The following TRPM3 variants were observed in gnomAD, a reference collection of about 807,000 sequenced individuals.
The protein encoded by TRPM3 is transient receptor potential cation channel subfamily M member 3.
A neutral mutation model predicts 181.2 loss-of-function variants in TRPM3; 77 were observed. The ratio of observed to expected loss-of-function variants is 0.42; its 90% CI spans 0.35 to 0.51. The LOEUF (loss-of-function observed/expected upper bound fraction) is 0.51. Ranked by LOEUF, TRPM3 falls within the 20% of genes least tolerant of loss-of-function variation. The probability of loss-of-function intolerance (pLI) is 0.01; values close to 1 mark genes in which losing one functional copy is unlikely to be tolerated. For missense variants in TRPM3, 1,759 were observed against 2,196.7 expected, an observed-to-expected ratio of 0.80 and a Z score of 3.98; for synonymous variants, 745 against 796.4, an observed-to-expected ratio of 0.94 and a Z score of 1.09.
intron 1 of TRPM3, among the ~76,000 whole-genome samples, chr9:71,059,192 T>C (rs1030209022): frequency 3.3e-5 from 5 of 151,700 alleles, no homozygotes; most frequent in African/African-American, 1.2e-4. Context: ...CCAGGCTTCT[T>C]GAAAGCATCT....
At chr9:70,831,366 T>C (rs1324454886) in intron 5 of TRPM3, among the ~76,000 whole-genome samples, 1 of 151,240 alleles carries the variant, frequency 6.6e-6, no homozygotes, top group African/African-American at 2.4e-5. Flanking sequence ...CCATTTTCAT[T>C]GTTAAGAGAT....
At chr9:71,011,939 C>A (rs903404794) in intron 1 of TRPM3, among the ~76,000 whole-genome samples, 3 of 151,728 alleles carry the variant, frequency 2.0e-5, no homozygotes, top group African/African-American at 7.3e-5. Flanking sequence ...CACCACCATG[C>A]CTGGCTAATT....
intron 6 of TRPM3, among the ~76,000 whole-genome samples, chr9:70,786,808 A>T (rs2083751777): frequency 6.6e-6 from 1 of 152,320 alleles, no homozygotes; most frequent in South Asian, 2.1e-4. Flanking sequence ...GTTTTATATC[A>T]GATGATATAT....
At chr9:70,559,964 C>T (rs576828582) in intron 22 of TRPM3, among the ~76,000 whole-genome samples, 3 of 152,272 alleles carry the variant, frequency 2.0e-5, no homozygotes, top group East Asian at 1.9e-4. Context: ...TAAAAGATAG[C>T]TTTAAAAATG....
At chr9:70,805,172 A>G (rs545940620) in intron 6 of TRPM3, among the ~76,000 whole-genome samples, 1 of 130,636 alleles carries the variant, frequency 7.7e-6, no homozygotes, top group South Asian at 2.7e-4. Context: ...CATGAAAGAG[A>G]GGGAGAAGAG....
chr9:70,612,823 C>G (rs2062179442), intron 18 of TRPM3, among the ~76,000 whole-genome samples: 2 of 152,146 alleles, frequency 1.3e-5, no homozygotes, highest in South Asian at 4.1e-4. Context: ...AATTATCATG[C>G]CTCTGTTCTG....
At chr9:71,013,827 T>G (rs948636748) in intron 1 of TRPM3, among the ~76,000 whole-genome samples, 15 of 152,170 alleles carry the variant, frequency 9.9e-5, no homozygotes, top group African/African-American at 3.6e-4. Flanking sequence ...CATTTTCCCC[T>G]TAGTTTTGAT....
chr9:70,762,105 C>G (rs2078253718), intron 7 of TRPM3, among the ~76,000 whole-genome samples: 1 of 152,098 alleles, frequency 6.6e-6, no homozygotes, highest in African/African-American at 2.4e-5. Flanking sequence ...ATATAAATCT[C>G]CTAACAGTAC....
intron 9 of TRPM3, among the ~76,000 whole-genome samples, chr9:70,655,816 G>T (rs916928795): frequency 2.0e-5 from 3 of 152,096 alleles, no homozygotes; most frequent in Non-Finnish European, 4.4e-5. Flanking sequence ...TACTGAAAGA[G>T]TTATAATAAT....
intron 1 of TRPM3, among the ~76,000 whole-genome samples, chr9:71,257,358 T>A (rs1473142104): frequency 6.6e-6 from 1 of 152,040 alleles, no homozygotes; most frequent in African/African-American, 2.4e-5. Context: ...GATCCCAGGT[T>A]GTCAAATAGA....
At chr9:71,103,461 A>C (rs2068794515) in intron 1 of TRPM3, among the ~76,000 whole-genome samples, 1 of 152,200 alleles carries the variant, frequency 6.6e-6, no homozygotes, top group Non-Finnish European at 1.5e-5. Context: ...TAGAAGTCAA[A>C]GTTGAAGGAA....
chr9:70,566,216 T>G (rs1431996800), intron 22 of TRPM3, among the ~76,000 whole-genome samples: 1 of 152,140 alleles, frequency 6.6e-6, no homozygotes, highest in African/African-American at 2.4e-5. Context: ...TCAGGTGTGA[T>G]GCGGGAAGCC....
intron 3 of TRPM3, among the ~76,000 whole-genome samples, chr9:70,861,658 T>C (rs542275326): frequency 1.3e-5 from 2 of 152,286 alleles, no homozygotes; most frequent in East Asian, 1.9e-4. Flanking sequence ...CTGTACTGAA[T>C]TGGGGACAGT....
At chr9:70,677,248 C>A (rs2064223081) in intron 9 of TRPM3, among the ~76,000 whole-genome samples, 1 of 152,144 alleles carries the variant, frequency 6.6e-6, no homozygotes, top group South Asian at 2.1e-4. Context: ...GCAAAAGTTA[C>A]CACTCTTTTC....
chr9:71,011,793 T>G (rs1471193959), intron 1 of TRPM3, among the ~76,000 whole-genome samples: 1 of 150,026 alleles, frequency 6.7e-6, no homozygotes, highest in Non-Finnish European at 1.5e-5. Flanking sequence ...TTTTTTTGTT[T>G]TTTTTCAGAC....
At chr9:70,871,871 A>G (rs569588546) in intron 1 of TRPM3, among the ~76,000 whole-genome samples, 1 of 152,122 alleles carries the variant, frequency 6.6e-6, no homozygotes, top group Non-Finnish European at 1.5e-5. Context: ...CTTCCCATTC[A>G]TTGTTAAAGA....
At chr9:71,151,550 A>G (rs1451243647) in intron 1 of TRPM3, among the ~76,000 whole-genome samples, 1 of 152,074 alleles carries the variant, frequency 6.6e-6, no homozygotes, top group Non-Finnish European at 1.5e-5. Flanking sequence ...CAATTTGGCC[A>G]TCTTTATTAA....
At chr9:70,904,497 A>G (rs1453959267) in intron 1 of TRPM3, among the ~76,000 whole-genome samples, 1 of 152,102 alleles carries the variant, frequency 6.6e-6, no homozygotes, top group Non-Finnish European at 1.5e-5. Flanking sequence ...GAGTGCAAAG[A>G]AGGAGGAGGG....
chr9:70,857,830 G>A (rs1478160453), intron 3 of TRPM3, among the ~76,000 whole-genome samples: 1 of 152,160 alleles, frequency 6.6e-6, no homozygotes, highest in Non-Finnish European at 1.5e-5. Context: ...ACCAATGAAT[G>A]AGACTCTCTT....
Sources: gnomAD v4.1 joint callset for allele counts (sites outside exome capture counted in the v4.1 genomes callset) on GRCh38, gnomAD v4.1.1 for gene constraint, MANE v1.5 for transcripts, NCBI Gene and HGNC (gene_info 2026-07-23, HGNC 2026-07-21) for gene names.